KCNQ3: variants seen among roughly 807,000 people sequenced by gnomAD.
The protein encoded by KCNQ3 is potassium voltage-gated channel subfamily Q member 3, also known as potassium voltage-gated channel subfamily KQT member 3.
KCNQ3 carries 30 observed loss-of-function variants against 92.5 expected under a neutral mutation model. The observed-to-expected ratio is 0.32, with a 90% CI of 0.24 to 0.44. KCNQ3 has a LOEUF of 0.44. Ranked by LOEUF, KCNQ3 falls within the 20% of genes least tolerant of loss-of-function variation. The probability of loss-of-function intolerance (pLI) is 1.00; values close to 1 mark genes in which losing one functional copy is unlikely to be tolerated. For synonymous variants in KCNQ3, 450 were observed against 468.8 expected (o/e 0.96, Z 0.52); for missense variants, 913 against 1,140.3 (o/e 0.80, Z 2.87).
intron 1 of KCNQ3, among the ~76,000 whole-genome samples, chr8:132,374,654 T>C (rs2608208): frequency 0.26 from 38,886 of 152,092 alleles, 5,548 homozygotes; most frequent in East Asian, 0.37. Context: ...ATACTAATTT[T>C]TTTCTGCTCT....
chr8:132,384,785 C>T (rs1586974697), intron 1 of KCNQ3, among the ~76,000 whole-genome samples: 1 of 152,214 alleles, frequency 6.6e-6, no homozygotes, highest in South Asian at 2.1e-4. Flanking sequence ...AATTCTGCTA[C>T]TCTATGTCTA....
intron 1 of KCNQ3, among the ~76,000 whole-genome samples, chr8:132,294,000 G>GTGTGTGTTTTTTTTTTGTTGTTGTTT (rs1816939658): frequency 8.1e-6 from 1 of 124,192 alleles, no homozygotes; most frequent in African/African-American, 3.1e-5. Flanking sequence ...TGTGTGTGTG[G>GTGTGTGTTTTTTTTTTGTTGTTGTTT]TTTTTTTTTT....
At chr8:132,323,895 C>T (rs1817965478) in intron 1 of KCNQ3, among the ~76,000 whole-genome samples, 1 of 152,124 alleles carries the variant, frequency 6.6e-6, no homozygotes. Context: ...CTTTCATCAC[C>T]TACAAAAGGA....
intron 1 of KCNQ3, among the ~76,000 whole-genome samples, chr8:132,360,869 C>T (rs1819145703): frequency 1.3e-5 from 2 of 152,192 alleles, no homozygotes; most frequent in Non-Finnish European, 2.9e-5. Flanking sequence ...GCTTGGCACA[C>T]AGCAGTTTTT....
intron 1 of KCNQ3, among the ~76,000 whole-genome samples, chr8:132,235,479 C>A (rs1278822690): frequency 6.6e-6 from 1 of 152,070 alleles, no homozygotes; most frequent in Non-Finnish European, 1.5e-5. Flanking sequence ...CTAGCCTGGG[C>A]GACAGAGTGA....
intron 1 of KCNQ3, among the ~76,000 whole-genome samples, chr8:132,303,172 G>C (rs901273944): frequency 6.6e-6 from 1 of 152,122 alleles, no homozygotes; most frequent in Non-Finnish European, 1.5e-5. Flanking sequence ...AGGCAATGAA[G>C]GAGATTGGCA....
intron 1 of KCNQ3, among the ~76,000 whole-genome samples, chr8:132,363,601 C>A (rs1201274747): frequency 1.3e-5 from 2 of 152,056 alleles, no homozygotes; most frequent in African/African-American, 4.8e-5. Context: ...GTCTACATCT[C>A]CAAAGGCACT....
At chr8:132,279,467 T>C (rs1306390802) in intron 1 of KCNQ3, among the ~76,000 whole-genome samples, 6 of 152,192 alleles carry the variant, frequency 3.9e-5, no homozygotes, top group Non-Finnish European at 5.9e-5. Context: ...GGGTTCCTAC[T>C]CCATATGAAT....
intron 1 of KCNQ3, among the ~76,000 whole-genome samples, chr8:132,396,116 A>C (rs1190732723): frequency 1.3e-5 from 2 of 152,212 alleles, no homozygotes; most frequent in Non-Finnish European, 1.5e-5. Context: ...AGAGGCCCTC[A>C]ACGCACTGTT....
At chr8:132,465,805 G>A in intron 1 of KCNQ3, among the ~76,000 whole-genome samples, 1 of 152,086 alleles carries the variant, frequency 6.6e-6, no homozygotes, top group East Asian at 1.9e-4. Flanking sequence ...CAGCTACTTG[G>A]GAGGCTGAGG....
At chr8:132,327,655 T>C (rs533833183) in intron 1 of KCNQ3, among the ~76,000 whole-genome samples, 1 of 152,092 alleles carries the variant, frequency 6.6e-6, no homozygotes. Context: ...ACCCTGCAAT[T>C]CCCTGCCTGA....
intron 1 of KCNQ3, among the ~76,000 whole-genome samples, chr8:132,339,960 A>G (rs1450173266): frequency 6.8e-6 from 1 of 147,724 alleles, no homozygotes; most frequent in African/African-American, 2.5e-5. Flanking sequence ...AACAAACATA[A>G]AAAAAAAAAA....
At chr8:132,255,119 C>G (rs886667069) in intron 1 of KCNQ3, among the ~76,000 whole-genome samples, 3 of 151,946 alleles carry the variant, frequency 2.0e-5, no homozygotes, top group Non-Finnish European at 2.9e-5. Context: ...CCCTCCCCCC[C>G]ACCTCATGAT....
intron 9 of KCNQ3, among the ~76,000 whole-genome samples, chr8:132,145,217 G>A (rs1825417438): frequency 6.6e-6 from 1 of 152,174 alleles, no homozygotes; most frequent in Non-Finnish European, 1.5e-5. Flanking sequence ...TTTTGGGCCT[G>A]AAACTACCAT....
At chr8:132,364,683 G>A (rs1352468368) in intron 1 of KCNQ3, among the ~76,000 whole-genome samples, 1 of 125,644 alleles carries the variant, frequency 8.0e-6, no homozygotes, top group South Asian at 2.8e-4. Context: ...ACGGACGGAC[G>A]GACGGACGGA....
At chr8:132,450,953 A>G (rs1379716713) in intron 1 of KCNQ3, among the ~76,000 whole-genome samples, 1 of 152,184 alleles carries the variant, frequency 6.6e-6, no homozygotes, top group Admixed American at 6.5e-5. Context: ...TCTAGAAATA[A>G]CGTCTGTGAT....
At chr8:132,174,141 T>A in intron 6 of KCNQ3, 98 bp downstream of exon 6, 4 of 853,516 alleles carry the variant, frequency 4.7e-6, no homozygotes, top group Non-Finnish European at 7.8e-6. Flanking sequence ...TGGTAGGGTA[T>A]AAGAGGATAG....
intron 1 of KCNQ3, among the ~76,000 whole-genome samples, chr8:132,380,313 G>A (rs1048811028): frequency 6.6e-6 from 1 of 152,144 alleles, no homozygotes; most frequent in Non-Finnish European, 1.5e-5. Flanking sequence ...AGAGCACATA[G>A]CCCCTTCCAA....
chr8:132,252,049 T>C (rs907200012), intron 1 of KCNQ3, among the ~76,000 whole-genome samples: 2 of 152,168 alleles, frequency 1.3e-5, no homozygotes, highest in African/African-American at 4.8e-5. Context: ...GTTTTTCTCC[T>C]GATGGGGAGG....
Sources: allele counts gnomAD v4.1 joint callset (sites outside exome capture counted in the v4.1 genomes callset), GRCh38; gene constraint gnomAD v4.1.1; transcripts MANE v1.5; gene names NCBI Gene and HGNC (gene_info 2026-07-23, HGNC 2026-07-21).